EFHB: variants seen among roughly 807,000 people sequenced by gnomAD.
The protein encoded by EFHB is EF-hand domain-containing family member B.
Under a neutral mutation model 87.2 loss-of-function variants are expected in EFHB, and 91 were observed. The observed-to-expected ratio is 1.04, with a 90% CI of 0.88 to 1.24. EFHB has a LOEUF of 1.24. Among genes scored for constraint, EFHB ranks in the 50% most tolerant of loss-of-function variants. The probability of loss-of-function intolerance (pLI) is 0.00; values close to 1 mark genes in which losing one functional copy is unlikely to be tolerated. For missense variants in EFHB, 1,084 were observed against 998.8 expected, an observed-to-expected ratio of 1.09 and a Z score of -1.15; for synonymous variants, 325 against 333.6, an observed-to-expected ratio of 0.97 and a Z score of 0.28.
chr3:19,896,410 G>A (rs1694481757), intron 9 of EFHB: 1 of 460,774 alleles, frequency 2.2e-6, no homozygotes, highest in Admixed American at 3.3e-5. Context: ...GTCAGCAAAT[G>A]TCTTCTGTTA....
chr3:19,895,819 C>T (rs1228509860), intron 9 of EFHB, among the ~76,000 whole-genome samples: 1 of 152,178 alleles, frequency 6.6e-6, no homozygotes, highest in Non-Finnish European at 1.5e-5. Context: ...ATAAAAGCCT[C>T]ATGGGCATAC....
rs370398185 is a variant in EFHB at position 19,933,529 on chromosome 3, C to T, written c.490G>A (p.Val164Ile). Reference protein sequence around the residue: ...VEELVGKPAFVMEPRQEMEKE... With the variant: ...VEELVGKPAFIMEPRQEMEKE... ...TCCATTTCCTGTCTTGGTTCCATAA[C>T]GAAAGCAGGCTTTCCCACTAATTCC... Residue 164 changes from valine (V) to isoleucine (I), a missense_variant, in exon 1 of 13, where the codon GTT becomes ATT. Physicochemically the swap from Val to Ile is conservative, Grantham distance 29 (BLOSUM62 3). Coordinates refer to ENST00000295824, the MANE Select transcript of EFHB (RefSeq NM_144715.4). 49 of 1,613,880 alleles carry T rather than the reference C, an allele frequency of 3.0e-5. No homozygotes were observed. The highest frequency in any genetic ancestry group is 3.0e-4 in the South Asian group (27 of 91,092).
chr3:19,941,001 G>A (rs2170341), intron 1 of EFHB: 50,749 of 309,682 alleles, frequency 0.16, 4,735 homozygotes, highest in African/African-American at 0.26. Flanking sequence ...TGACATACAA[G>A]AGCAACAAAT....
upstream of EFHB, chr3:19,936,108 A>C (rs74344621): frequency 2.3e-6 from 3 of 1,328,624 alleles, no homozygotes; most frequent in Non-Finnish European, 2.9e-6. Flanking sequence ...TATTTTTTTA[A>C]AAGTGTGTAG....
intron 5 of EFHB, among the ~76,000 whole-genome samples, chr3:19,910,036 G>T (rs541364299): frequency 2.0e-5 from 3 of 151,962 alleles, no homozygotes; most frequent in African/African-American, 4.8e-5. Context: ...ACCAGCTGTG[G>T]TAGCTACAGA....
chr3:19,892,783 A>C (rs1694344268), intron 9 of EFHB, among the ~76,000 whole-genome samples: 1 of 152,040 alleles, frequency 6.6e-6, no homozygotes, highest in Non-Finnish European at 1.5e-5. Context: ...TGAGGCTCAG[A>C]GTTCAAGCCT....
upstream of EFHB, among the ~76,000 whole-genome samples, chr3:19,937,896 T>C (rs1026497897): frequency 2.6e-5 from 4 of 152,212 alleles, no homozygotes; most frequent in Non-Finnish European, 2.9e-5. Context: ...TCAGTGCTTC[T>C]GTCTCCTCCT....
At chr3:19,901,226 A>G (rs961418959) in intron 6 of EFHB, among the ~76,000 whole-genome samples, 3 of 152,262 alleles carry the variant, frequency 2.0e-5, no homozygotes, top group Non-Finnish European at 2.9e-5. Context: ...TAATGGCTGA[A>G]TTAAAGTGAA....
At chr3:19,895,007 T>TATATATATATAAA (rs1453175560) in intron 9 of EFHB, 2 of 147,108 alleles carry the variant, frequency 1.4e-5, no homozygotes, top group African/African-American at 5.0e-5. Flanking sequence ...TATGTATATA[T>TATATATATATAAA]AAAAATATAT....
Position 19,888,543 on chromosome 3 carries a change from C to A in EFHB, c.1834G>T (p.Asp612Tyr). The A allele has an allele frequency of 6.3e-7, 1 of 1,593,002 alleles. No individual in the cohort carries two copies. Among genetic ancestry groups the A allele is most frequent in the Non-Finnish European group, 8.6e-7 (1 of 1,168,510 alleles). ...LDQLFDYCDV[D>Y]NDGFINYLEF... Reference sequence around the variant, plus strand: ...AGATAGTTAATGAAGCCATCATTATCCACATCACAGTAGTCAAATAGCTGG... The same window carrying A: ...AGATAGTTAATGAAGCCATCATTATACACATCACAGTAGTCAAATAGCTGG... The change falls in exon 10 of 13, where the codon GAT becomes TAT. Residue 612 changes from aspartate to tyrosine, a missense_variant. By Grantham distance (160) the Asp-to-Tyr change is radical (BLOSUM62 -3). Coordinates refer to ENST00000295824, the MANE Select transcript of EFHB (RefSeq NM_144715.4).
chr3:19,879,708 C>A lies in EFHB; in HGVS notation c.2425G>T (p.Val809Phe). Residue 809 changes from valine (V) to phenylalanine (F), a missense_variant, in exon 13 of 13, where the codon GTT (valine) becomes TTT (phenylalanine). Transcript: ENST00000295824. ...ACATTTCTGATGTTCTCAACACAAA[C>A]TTCTCCTCTGTGATGCTTTTTTGAT... is the stretch of plus-strand genomic sequence containing the variant. Reference protein sequence around the residue: ...LASKKHHRGEVCVENIRNVLD... With the variant: ...LASKKHHRGEFCVENIRNVLD... 1 of 1,610,964 alleles carries A rather than the reference C, an allele frequency of 6.2e-7. No individual in the cohort carries two copies. Among genetic ancestry groups the A allele is most frequent in the Non-Finnish European group, 8.5e-7 (1 of 1,179,202 alleles).
chr3:19,918,474 AC>A (rs1369365166), intron 3 of EFHB, 62 bp from the exon 4 acceptor site: 17 of 1,428,824 alleles, frequency 1.2e-5, no homozygotes, highest in Non-Finnish European at 1.5e-5. Flanking sequence ...GAAAATAGAA[AC>A]CCTAATCAAT....
chr3:19,888,411 T>A lies in EFHB; in HGVS notation c.1933+33A>T, dbSNP rs575985322. ...TAATAAATTTTAAAATTTAAAAAAA[T>A]AATAATTCATCAAACCTTCAAAAAT... is the stretch of plus-strand genomic sequence containing the variant. On this transcript the variant is annotated intron_variant, in intron 10 of 12. Coordinates refer to ENST00000295824, the MANE Select transcript of EFHB (RefSeq NM_144715.4). The A allele has an allele frequency of 1.0e-3, 1,257 of 1,204,254 alleles. 10 individuals are homozygous for A. The African/African-American group carries it at 0.017, about 16-fold the overall frequency. 74.6% of individuals were successfully genotyped at this position (1,204,254 alleles called of 1,614,324 possible).
upstream of EFHB, among the ~76,000 whole-genome samples, chr3:19,938,928 A>G (rs952711755): frequency 6.6e-6 from 1 of 152,030 alleles, no homozygotes; most frequent in Non-Finnish European, 1.5e-5. Context: ...TGTTTTTGAG[A>G]AGGAGTCTCA....
At chr3:19,907,349 TGAA>T (rs1271320563) in intron 5 of EFHB, among the ~76,000 whole-genome samples, 1 of 152,116 alleles carries the variant, frequency 6.6e-6, no homozygotes, top group Non-Finnish European at 1.5e-5. Context: ...TTAAAATGGG[TGAA>T]GAACTTTAAT....
At chr3:19,908,654 A>AAGAAAGAAAGAT (rs1185730604) in intron 5 of EFHB, among the ~76,000 whole-genome samples, 31 of 148,900 alleles carry the variant, frequency 2.1e-4, no homozygotes, top group African/African-American at 7.7e-4. Flanking sequence ...GAAAGAAAGA[A>AAGAAAGAAAGAT]AAAGAAAGTT....
chr3:19,918,242 T>C lies in EFHB; in HGVS notation c.1167A>G (p.Ala389=). The part of the protein sequence containing the change: ...MDTTNTTFGT[A]VIKEYSAKDV... ...TTTTTTTTTTACTACCTTTGATGAC[T>C]GCTGTCCCAAATGTCGTATTGGTTG... The change falls in exon 4 of 13, where the codon GCA becomes GCG. Residue 389 remains alanine (A), a synonymous_variant. Coordinates refer to ENST00000295824, the MANE Select transcript of EFHB (RefSeq NM_144715.4). 6.3e-7 allele frequency: 1 copy of C among 1,595,034 alleles called. No homozygotes were observed. The highest frequency in any genetic ancestry group is 8.5e-7 in the Non-Finnish European group (1 of 1,174,076).
intron 1 of EFHB, chr3:19,940,601 C>A: frequency 2.1e-6 from 1 of 481,008 alleles, no homozygotes; most frequent in South Asian, 1.5e-5. Flanking sequence ...TTCTCATCTT[C>A]AGCTTTGTAC....
Position 19,908,571 on chromosome 3 carries a change from AGAGAG to A in EFHB, c.1289-2827_1289-2823del, listed in dbSNP as rs1559459488. Among the ~76,000 whole-genome samples, 191 of 86,952 alleles carry A rather than the reference AGAGAG, an allele frequency of 2.2e-3. 1 individual carries two copies. The highest frequency in any genetic ancestry group is 0.01 in the African/African-American group (178 of 17,394). The allele number at this position is 86,952 out of a possible 152,430, so 57.0% of individuals were successfully genotyped here. A position where few individuals can be genotyped will look rare whatever the true frequency, so the allele number is the denominator to read the frequency against. Reference sequence around the variant, plus strand: ...AAGAGAGAAAGAGAGAAAGAGAGAGAGAGAGAGAGAGAGAGAGAGAGAGAGAGAGA... The same window carrying A: ...AAGAGAGAAAGAGAGAAAGAGAGAGAAGAGAGAGAGAGAGAGAGAGAGAGA... On this transcript the variant is annotated intron_variant, in intron 5 of 12. Transcript: ENST00000295824.
Sources: gnomAD v4.1 joint callset for allele counts (sites outside exome capture counted in the v4.1 genomes callset) on GRCh38, gnomAD v4.1.1 for gene constraint, MANE v1.5 for transcripts, NCBI Gene and HGNC (gene_info 2026-07-23, HGNC 2026-07-21) for gene names.